Variants in GLCE observed in about 807,000 individuals in gnomAD.
GLCE encodes the protein D-glucuronyl C5-epimerase.
A neutral mutation model predicts 47.9 loss-of-function variants in GLCE; 19 were observed. The observed-to-expected ratio is 0.40, with a 90% CI of 0.28 to 0.58. The LOEUF is 0.58. Among genes scored for constraint, GLCE ranks in the 20% least tolerant of loss-of-function variants. The pLI is 0.48. For synonymous variants in GLCE, 245 were observed against 263.4 expected, an observed-to-expected ratio of 0.93 and a Z score of 0.68; for missense variants, 556 against 743.3, an observed-to-expected ratio of 0.75 and a Z score of 2.93.
chr15:69,268,048 A>G (rs1011941587), intron 4 of GLCE, among the ~76,000 whole-genome samples, 172 bp from the exon 5 acceptor site: 10 of 152,164 alleles, frequency 6.6e-5, no homozygotes, highest in African/African-American at 2.4e-4. Flanking sequence ...CAATTCTGTC[A>G]TTTGTTTTTG....
intron 1 of GLCE, among the ~76,000 whole-genome samples, chr15:69,201,871 G>A (rs1287642964): frequency 1.3e-5 from 2 of 151,786 alleles, no homozygotes; most frequent in Non-Finnish European, 1.5e-5. Context: ...ACTCTAAAGT[G>A]CTAAAGGCAG....
chr15:69,166,059 A>G (rs2140323335), intron 1 of GLCE, among the ~76,000 whole-genome samples: 1 of 152,354 alleles, frequency 6.6e-6, no homozygotes, highest in African/African-American at 2.4e-5. Context: ...AAATTGCTAG[A>G]AGAGATATTA....
chr15:69,230,051 A>C (rs1038194626), intron 2 of GLCE, among the ~76,000 whole-genome samples: 1 of 151,926 alleles, frequency 6.6e-6, no homozygotes, highest in Non-Finnish European at 1.5e-5. Context: ...CTTTACGAAA[A>C]ATTAAAATTA....
At chr15:69,195,584 A>G (rs2140357301) in intron 1 of GLCE, among the ~76,000 whole-genome samples, 1 of 152,210 alleles carries the variant, frequency 6.6e-6, no homozygotes, top group Admixed American at 6.5e-5. Flanking sequence ...ATGGAAAACT[A>G]TTTTTTAAAA....
intron 1 of GLCE, among the ~76,000 whole-genome samples, chr15:69,194,864 G>A (rs1328004296): frequency 6.6e-6 from 1 of 152,058 alleles, no homozygotes; most frequent in Non-Finnish European, 1.5e-5. Flanking sequence ...TAATGGATTG[G>A]AATGTGAAAA....
chr15:69,252,482 C>T (rs907813796), intron 2 of GLCE, among the ~76,000 whole-genome samples: 2 of 152,188 alleles, frequency 1.3e-5, no homozygotes, highest in Admixed American at 6.5e-5. Context: ...AAGGGGATGG[C>T]GCTAAGCCAT....
chr15:69,217,633 A>G (rs1054493154), intron 2 of GLCE, among the ~76,000 whole-genome samples: 2 of 152,262 alleles, frequency 1.3e-5, no homozygotes, highest in South Asian at 4.1e-4. Flanking sequence ...TGACATTATT[A>G]ATTTCACTTT....
intron 2 of GLCE, among the ~76,000 whole-genome samples, chr15:69,220,322 T>C (rs978576467): frequency 3.9e-5 from 6 of 152,150 alleles, no homozygotes; most frequent in African/African-American, 1.4e-4. Flanking sequence ...GCTGTACCAT[T>C]TTGTTTTTCT....
At chr15:69,226,181 G>A (rs944268997) in intron 2 of GLCE, among the ~76,000 whole-genome samples, 1 of 152,128 alleles carries the variant, frequency 6.6e-6, no homozygotes, top group Admixed American at 6.5e-5. Flanking sequence ...TAGGTGAATT[G>A]AGTTAGAATT....
Position 69,238,426 on chromosome 15 carries a change from A to AT in GLCE, c.-13-17367dup, listed in dbSNP as rs2052620838. Among the ~76,000 whole-genome samples the AT allele has an allele frequency of 2.0e-5, 3 of 152,264 alleles. No homozygotes were observed. The South Asian group carries it at 6.2e-4, about 32-fold the overall frequency. On this transcript the variant is annotated intron_variant, in intron 2 of 4. Transcript: ENST00000261858. ...CAGTTTCTTCAACCATATGTGGGTG[A>AT]TAAAAAAAAAATCTTCTTAGGGTTT...
At chr15:69,186,787 G>T (rs2140347116) in intron 1 of GLCE, among the ~76,000 whole-genome samples, 1 of 152,232 alleles carries the variant, frequency 6.6e-6, no homozygotes, top group Non-Finnish European at 1.5e-5. Context: ...TATCAACTAG[G>T]TATTATAAGC....
chr15:69,197,229 G>C, intron 1 of GLCE: 1 of 420,870 alleles, frequency 2.4e-6, no homozygotes, highest in South Asian at 1.8e-5. Flanking sequence ...CTCATCCACC[G>C]TATTCACCTG....
At chr15:69,217,561 A>G (rs1157459784) in intron 2 of GLCE, among the ~76,000 whole-genome samples, 8 of 152,126 alleles carry the variant, frequency 5.3e-5, no homozygotes, top group African/African-American at 7.2e-5. Context: ...TCAATTGAGT[A>G]TGCTTTAGAA....
rs560176273 is a variant in GLCE, at chr15:69,194,911, A to G, written c.-104-15405A>G. 8.5e-5 allele frequency among the ~76,000 whole-genome samples: 13 copies of G among 152,268 alleles called. No individual in the cohort carries two copies. In the South Asian group the frequency reaches 2.5e-3, roughly 29 times the overall value. On this transcript the variant is annotated intron_variant, in intron 1 of 4. Transcript: ENST00000261858. ...GAAGGAAGATTCTTATATAGTCTTT[A>G]TAGATAAATGCAATGTACCTTTCTT... is the stretch of plus-strand genomic sequence containing the variant.
At chr15:69,264,434 A>G (rs1186373980) in intron 4 of GLCE, among the ~76,000 whole-genome samples, 2 of 151,914 alleles carry the variant, frequency 1.3e-5, no homozygotes, top group African/African-American at 2.4e-5. Context: ...TATTTTCTTT[A>G]TCTATACTAG....
intron 1 of GLCE, among the ~76,000 whole-genome samples, chr15:69,169,301 A>G (rs753196588): frequency 4.6e-5 from 7 of 152,300 alleles, no homozygotes; most frequent in East Asian, 1.9e-4. Context: ...AATTTTGTGC[A>G]TGTGTTTTGG....
chr15:69,259,068 A>G (rs1181299613), intron 3 of GLCE, among the ~76,000 whole-genome samples: 1 of 152,196 alleles, frequency 6.6e-6, no homozygotes, highest in Non-Finnish European at 1.5e-5. Context: ...AACTCTTGCC[A>G]TCATGGACCA....
intron 2 of GLCE, among the ~76,000 whole-genome samples, chr15:69,249,890 TTA>T (rs2052813439): frequency 1.3e-5 from 2 of 151,714 alleles, no homozygotes; most frequent in African/African-American, 2.4e-5. Flanking sequence ...ACCCTAAGAG[TTA>T]TGTTTTACTT....
chr15:69,199,839 G>A (rs763133337), intron 1 of GLCE, among the ~76,000 whole-genome samples: 28 of 152,176 alleles, frequency 1.8e-4, no homozygotes, highest in Non-Finnish European at 2.8e-4. Context: ...TTTTAAACAC[G>A]CCCCAGGTGA....
Sources: gnomAD v4.1 joint callset for allele counts (sites outside exome capture counted in the v4.1 genomes callset) on GRCh38, gnomAD v4.1.1 for gene constraint, MANE v1.5 for transcripts, NCBI Gene and HGNC (gene_info 2026-07-23, HGNC 2026-07-21) for gene names.